Variants in PRKCA observed in about 807,000 individuals in gnomAD.
The protein encoded by PRKCA is protein kinase C alpha, also known as protein kinase C alpha type.
In PRKCA, 27 loss-of-function variants were observed where a neutral mutation model predicts 87.0. The observed-to-expected ratio is 0.31, with a 90% CI of 0.23 to 0.43. The LOEUF is 0.43. PRKCA is among the 20% of genes least tolerant of loss of function. The pLI, the probability that PRKCA is intolerant of heterozygous loss-of-function variation, is 1.00. For missense variants in PRKCA, 518 were observed against 852.3 expected (o/e 0.61, Z 4.88); for synonymous variants, 329 against 311.1 (o/e 1.06, Z -0.61).
intron 2 of PRKCA, among the ~76,000 whole-genome samples, chr17:66,449,085 G>C (rs916922676): frequency 6.6e-6 from 1 of 150,916 alleles, no homozygotes; most frequent in East Asian, 2.0e-4. Flanking sequence ...ACAATTTCCA[G>C]ATCAGCCTGG....
intron 2 of PRKCA, among the ~76,000 whole-genome samples, chr17:66,306,728 G>C (rs1440189169): frequency 6.6e-6 from 1 of 152,090 alleles, no homozygotes; most frequent in Non-Finnish European, 1.5e-5. Context: ...AAATCCATTT[G>C]CTTCACCCTC....
intron 3 of PRKCA, among the ~76,000 whole-genome samples, chr17:66,581,554 C>T (rs1444736912): frequency 3.3e-5 from 5 of 152,174 alleles, no homozygotes; most frequent in Non-Finnish European, 4.4e-5. Flanking sequence ...TGGCTCACTG[C>T]ACCCTCTGCC....
chr17:66,621,640 G>A (rs1404833617), intron 3 of PRKCA, among the ~76,000 whole-genome samples: 5 of 152,272 alleles, frequency 3.3e-5, no homozygotes, highest in African/African-American at 1.2e-4. Context: ...CGTTCATGGA[G>A]TAGATGCACT....
chr17:66,464,869 A>G (rs1005941428), intron 2 of PRKCA, among the ~76,000 whole-genome samples: 1 of 152,162 alleles, frequency 6.6e-6, no homozygotes. Flanking sequence ...ATTATAATGA[A>G]ATCCAGCTTA....
intron 8 of PRKCA, among the ~76,000 whole-genome samples, chr17:66,716,708 G>T (rs1345366808): frequency 6.6e-6 from 1 of 152,144 alleles, no homozygotes; most frequent in Non-Finnish European, 1.5e-5. Context: ...CACACACCGG[G>T]ATACTAGAGG....
Position 66,608,374 on chromosome 17 carries a change from TAAACAG to T in PRKCA, c.289-32978_289-32973del, listed in dbSNP as rs537873604. Among the ~76,000 whole-genome samples, 115 of 152,340 alleles carry T rather than the reference TAAACAG, an allele frequency of 7.5e-4. 1 individual carries two copies. Among genetic ancestry groups the T allele is most frequent in the Middle Eastern group, 3.4e-3 (1 of 294 alleles). On this transcript the variant is annotated intron_variant, in intron 3 of 16. Coordinates refer to ENST00000413366, the MANE Select transcript of PRKCA (RefSeq NM_002737.3). ...CTTGGGGTTTCTCCAAAGCCTGCAT[TAAACAG>T]AACTTTTTCTTTCTTGAAGGTCCAG...
chr17:66,429,051 C>T (rs994327600), intron 2 of PRKCA, among the ~76,000 whole-genome samples: 3 of 152,022 alleles, frequency 2.0e-5, no homozygotes, highest in African/African-American at 4.8e-5. Flanking sequence ...CCTTTTTTGT[C>T]AGCAGGAGAT....
intron 3 of PRKCA, among the ~76,000 whole-genome samples, chr17:66,572,910 C>A (rs1969122252): frequency 6.6e-6 from 1 of 152,132 alleles, no homozygotes; most frequent in Non-Finnish European, 1.5e-5. Flanking sequence ...AATACAGAGT[C>A]CTGTAATTCA....
intron 2 of PRKCA, among the ~76,000 whole-genome samples, chr17:66,478,555 A>G (rs933424255): frequency 2.6e-5 from 4 of 152,126 alleles, no homozygotes; most frequent in African/African-American, 9.7e-5. Flanking sequence ...CGCCCAGCCC[A>G]TATTCAACTT....
intron 2 of PRKCA, among the ~76,000 whole-genome samples, chr17:66,393,067 A>G (rs1286664323): frequency 6.6e-6 from 1 of 152,212 alleles, no homozygotes; most frequent in Admixed American, 6.5e-5. Flanking sequence ...GGAGGGAATG[A>G]CAACAGCTTG....
chr17:66,497,520 AGGAGTCAC>A (rs1916530467), intron 3 of PRKCA, among the ~76,000 whole-genome samples: 2 of 152,060 alleles, frequency 1.3e-5, no homozygotes, highest in African/African-American at 4.8e-5. Context: ...GGATCCACAA[AGGAGTCAC>A]GGAAAATACC....
At chr17:66,773,019 C>T (rs946310293) in intron 13 of PRKCA, among the ~76,000 whole-genome samples, 2 of 152,068 alleles carry the variant, frequency 1.3e-5, no homozygotes, top group African/African-American at 2.4e-5. Flanking sequence ...TTTTAAGAGA[C>T]AGAGTCTTGC....
chr17:66,796,241 T>G (rs1252995492), intron 16 of PRKCA, among the ~76,000 whole-genome samples: 1 of 152,268 alleles, frequency 6.6e-6, no homozygotes, highest in Admixed American at 6.5e-5. Flanking sequence ...AGAATGTTTC[T>G]GTATGTATAA....
At chr17:66,612,675 T>C (rs1970401900) in intron 3 of PRKCA, among the ~76,000 whole-genome samples, 1 of 151,676 alleles carries the variant, frequency 6.6e-6, no homozygotes, top group Admixed American at 6.6e-5. Context: ...TCATACTATA[T>C]AAATTAGAGA....
chr17:66,395,795 T>A (rs1234035410), intron 2 of PRKCA, among the ~76,000 whole-genome samples: 1 of 152,164 alleles, frequency 6.6e-6, no homozygotes, highest in African/African-American at 2.4e-5. Flanking sequence ...TCCTTCAACA[T>A]TATAGGAGGA....
At chr17:66,551,667 A>C (rs746904320) in intron 3 of PRKCA, among the ~76,000 whole-genome samples, 16 of 152,326 alleles carry the variant, frequency 1.1e-4, no homozygotes, top group Non-Finnish European at 1.9e-4. Context: ...TGAACACTTA[A>C]GTACCAGGAC....
At chr17:66,550,627 TGACAG>T (rs1968296849) in intron 3 of PRKCA, among the ~76,000 whole-genome samples, 2 of 145,094 alleles carry the variant, frequency 1.4e-5, no homozygotes, top group African/African-American at 2.6e-5. Flanking sequence ...CCAGCCTGGG[TGACAG>T]AGTGAGACTC....
At chr17:66,719,540 G>A (rs1411189929) in intron 8 of PRKCA, among the ~76,000 whole-genome samples, 1 of 152,232 alleles carries the variant, frequency 6.6e-6, no homozygotes, top group African/African-American at 2.4e-5. Flanking sequence ...GCCGAGGTGG[G>A]TGGATCACTT....
chr17:66,730,864 G>A (rs1225676786), intron 8 of PRKCA, among the ~76,000 whole-genome samples: 1 of 152,242 alleles, frequency 6.6e-6, no homozygotes, highest in Admixed American at 6.5e-5. Flanking sequence ...TGAAGGCATG[G>A]TGGTGCTCCA....
Sources: gnomAD v4.1 joint callset for allele counts (sites outside exome capture counted in the v4.1 genomes callset) on GRCh38, gnomAD v4.1.1 for gene constraint, MANE v1.5 for transcripts, NCBI Gene and HGNC (gene_info 2026-07-23, HGNC 2026-07-21) for gene names.